TMEFF2: variants seen among roughly 807,000 people sequenced by gnomAD.
The protein encoded by TMEFF2 is transmembrane protein with EGF like and two follistatin like domains 2.
A neutral mutation model predicts 53.8 loss-of-function variants in TMEFF2; 28 were observed. The ratio of observed to expected loss-of-function variants is 0.52; its 90% CI spans 0.39 to 0.71. TMEFF2 has a LOEUF of 0.71. Ranked by LOEUF, TMEFF2 falls within the 30% of genes least tolerant of loss-of-function variation. The pLI is 0.00. For synonymous variants in TMEFF2, 162 were observed against 166.3 expected, an observed-to-expected ratio of 0.97 and a Z score of 0.20; for missense variants, 353 against 455.2, an observed-to-expected ratio of 0.78 and a Z score of 2.04.
At chr2:192,176,145 A>T (rs1292614517) in intron 4 of TMEFF2, among the ~76,000 whole-genome samples, 2 of 151,366 alleles carry the variant, frequency 1.3e-5, no homozygotes, top group African/African-American at 4.8e-5. Flanking sequence ...ACTTCCATAT[A>T]TAAGTACCTG....
At chr2:192,010,039 G>C (rs1419105933) in intron 5 of TMEFF2, among the ~76,000 whole-genome samples, 1 of 152,182 alleles carries the variant, frequency 6.6e-6, no homozygotes, top group Non-Finnish European at 1.5e-5. Flanking sequence ...TGTGCATGGA[G>C]ACATTCCACT....
At chr2:192,057,404 T>A (rs924502645) in intron 5 of TMEFF2, among the ~76,000 whole-genome samples, 18 of 151,700 alleles carry the variant, frequency 1.2e-4, no homozygotes, top group Admixed American at 1.3e-4. Context: ...TAAATAAGAC[T>A]TTTTTTTCCC....
intron 4 of TMEFF2, among the ~76,000 whole-genome samples, chr2:192,075,332 T>TATATATATACACACAC (rs796267672): frequency 4.5e-5 from 4 of 88,142 alleles, no homozygotes; most frequent in Admixed American, 1.4e-4. Context: ...TATATATATA[T>TATATATATACACACAC]ACATACATAC....
At chr2:192,009,258 CGT>C (rs1257094913) in intron 5 of TMEFF2, among the ~76,000 whole-genome samples, 1 of 151,870 alleles carries the variant, frequency 6.6e-6, no homozygotes, top group Non-Finnish European at 1.5e-5. Context: ...TGTGATTGTG[CGT>C]GTGTGTATAT....
At chr2:191,959,300 T>C (rs1236885693) in intron 7 of TMEFF2, among the ~76,000 whole-genome samples, 3 of 152,210 alleles carry the variant, frequency 2.0e-5, no homozygotes, top group Non-Finnish European at 4.4e-5. Context: ...TTACAAATGG[T>C]TTGTTCTAGA....
chr2:192,000,658 A>G (rs1339169798), intron 5 of TMEFF2, among the ~76,000 whole-genome samples: 2 of 152,310 alleles, frequency 1.3e-5, no homozygotes, highest in East Asian at 3.9e-4. Flanking sequence ...GAGGCTTTGT[A>G]TACACACCAG....
At chr2:192,179,821 A>T in intron 3 of TMEFF2, 127 bp from the exon 4 acceptor site, 1 of 724,544 alleles carries the variant, frequency 1.4e-6, no homozygotes, top group South Asian at 3.6e-5. Context: ...CTAATATTTA[A>T]TCCAAAAACG....
At chr2:191,977,396 G>C (rs1685755796) in intron 7 of TMEFF2, among the ~76,000 whole-genome samples, 1 of 152,262 alleles carries the variant, frequency 6.6e-6, no homozygotes, top group Admixed American at 6.5e-5. Flanking sequence ...TTTAGCCTCT[G>C]AGCGTGTGTC....
chr2:192,039,487 C>G (rs1489663515), intron 5 of TMEFF2, among the ~76,000 whole-genome samples: 4 of 152,110 alleles, frequency 2.6e-5, no homozygotes, highest in Non-Finnish European at 5.9e-5. Context: ...AAACTTTGAT[C>G]AGACCAATGT....
At chr2:192,124,127 G>A (rs1192367001) in intron 4 of TMEFF2, among the ~76,000 whole-genome samples, 1 of 152,186 alleles carries the variant, frequency 6.6e-6, no homozygotes, top group Non-Finnish European at 1.5e-5. Flanking sequence ...TGAGTCTGCA[G>A]TGCTGCTGGG....
At position 192,145,308 on chromosome 2, in the gene TMEFF2, G is replaced by A. The variant is rs541527129; in HGVS notation, c.439+34360C>T. Among the ~76,000 whole-genome samples, 4 of 151,868 alleles carry A rather than the reference G, an allele frequency of 2.6e-5. No homozygotes were observed. In the South Asian group the frequency reaches 8.3e-4, roughly 32 times the overall value. ...CTATAAATTCAGTAACGAATGTCAC[G>A]AATCTTCATTGTATATAAGAACTTT... On this transcript the variant is annotated intron_variant, in intron 4 of 9. Transcript: ENST00000272771.
chr2:191,984,965 A>G (rs2105819217), intron 7 of TMEFF2, among the ~76,000 whole-genome samples: 1 of 152,280 alleles, frequency 6.6e-6, no homozygotes, highest in Non-Finnish European at 1.5e-5. Flanking sequence ...AAAAATGGGA[A>G]AATAAAAATG....
At chr2:191,966,414 A>G (rs554534332) in intron 7 of TMEFF2, among the ~76,000 whole-genome samples, 1 of 152,288 alleles carries the variant, frequency 6.6e-6, no homozygotes, top group South Asian at 2.1e-4. Flanking sequence ...GGAAGAATTT[A>G]TTACCCCTTT....
chr2:192,137,869 C>T (rs914903326), intron 4 of TMEFF2, among the ~76,000 whole-genome samples: 3 of 151,184 alleles, frequency 2.0e-5, no homozygotes, highest in African/African-American at 7.3e-5. Context: ...GTGGTGCGAT[C>T]TAGGCTCACT....
At chr2:192,159,272 AG>A (rs913472203) in intron 4 of TMEFF2, among the ~76,000 whole-genome samples, 1 of 152,068 alleles carries the variant, frequency 6.6e-6, no homozygotes, top group Non-Finnish European at 1.5e-5. Context: ...GAGAGTGTTG[AG>A]GGGGGGATCA....
intron 4 of TMEFF2, among the ~76,000 whole-genome samples, chr2:192,075,269 C>T (rs1688381483): frequency 1.5e-5 from 1 of 68,178 alleles, no homozygotes; most frequent in Non-Finnish European, 3.2e-5. Flanking sequence ...ATTATTATAC[C>T]CAGAGTACAG....
chr2:192,034,423 GA>G (rs915298162), intron 5 of TMEFF2, among the ~76,000 whole-genome samples: 4 of 151,760 alleles, frequency 2.6e-5, no homozygotes, highest in South Asian at 2.1e-4. Flanking sequence ...CCTCCATGGG[GA>G]AAAAAAATCA....
chr2:191,997,493 T>A (rs1242695815), intron 7 of TMEFF2, among the ~76,000 whole-genome samples: 1 of 151,628 alleles, frequency 6.6e-6, no homozygotes, highest in Non-Finnish European at 1.5e-5. Flanking sequence ...TATGATTGCT[T>A]AATATCTAAA....
At chr2:192,077,437 T>A (rs1688458045) in intron 4 of TMEFF2, among the ~76,000 whole-genome samples, 1 of 152,190 alleles carries the variant, frequency 6.6e-6, no homozygotes, top group Non-Finnish European at 1.5e-5. Context: ...ATCCGTAAAA[T>A]CTACTGTGGA....
Sources: gnomAD v4.1 joint callset for allele counts (sites outside exome capture counted in the v4.1 genomes callset) on GRCh38, gnomAD v4.1.1 for gene constraint, MANE v1.5 for transcripts, NCBI Gene and HGNC (gene_info 2026-07-23, HGNC 2026-07-21) for gene names.